Variants in DNAAF5 observed in about 807,000 individuals in gnomAD.
DNAAF5 encodes the protein HEAT repeat containing 2.
Under a neutral mutation model 75.8 loss-of-function variants are expected in DNAAF5, and 64 were observed. The ratio of observed to expected loss-of-function variants is 0.84; its 90% CI spans 0.69 to 1.04. The LOEUF is 1.04. Among genes scored for constraint, DNAAF5 ranks in the 50% least tolerant of loss-of-function variants. DNAAF5 has a pLI of 0.00. For synonymous variants in DNAAF5, 657 were observed against 557.2 expected (o/e 1.18, Z -2.52); for missense variants, 1,269 against 1,178.5 (o/e 1.08, Z -1.12).
chr7:727,198 C>T lies in DNAAF5; in HGVS notation c.478C>T (p.Leu160Phe). 7.4e-7 allele frequency: 1 copy of T among 1,348,758 alleles called. No homozygotes were observed. Among genetic ancestry groups the T allele is most frequent in the Non-Finnish European group, 9.6e-7 (1 of 1,047,000 alleles). The allele number at this position is 1,348,758 out of a possible 1,614,324, so 83.5% of individuals were successfully genotyped here. Residue 160 changes from leucine (L) to phenylalanine (F), a missense_variant, in exon 1 of 13, where the codon CTC becomes TTC. Leu to Phe is a conservative substitution (Grantham distance 22). Coordinates refer to ENST00000297440, the MANE Select transcript of DNAAF5 (RefSeq NM_017802.4). Reference sequence around the variant, plus strand: ...GGCCGTGGACCTGTGCGGCGCCGCGCTCGCGCCCCACCTGGACGACGCTCT... The same window carrying T: ...GGCCGTGGACCTGTGCGGCGCCGCGTTCGCGCCCCACCTGGACGACGCTCT... The part of the protein sequence containing the change: ...GLAVDLCGAA[L>F]APHLDDALRA...
chr7:773,668 C>T (rs978621415), intron 9 of DNAAF5, among the ~76,000 whole-genome samples: 8 of 152,096 alleles, frequency 5.3e-5, no homozygotes, highest in Non-Finnish European at 1.0e-4. Flanking sequence ...GAAAGGGGCT[C>T]ACTGGGTGCT....
chr7:785,693 T>A lies in DNAAF5; in HGVS notation c.*40T>A. ...GCCACGGCACACCCTTGTCCCCACC[T>A]GAGCCAGAGTTTGTGGCCTTTAAAT... On this transcript the variant is annotated 3_prime_UTR_variant, in exon 13 of 13. Transcript: ENST00000297440. 6.2e-7 allele frequency: 1 copy of A among 1,600,670 alleles called. No homozygotes were observed. Among genetic ancestry groups the A allele is most frequent in the Non-Finnish European group, 8.5e-7 (1 of 1,172,882 alleles).
intron 4 of DNAAF5, among the ~76,000 whole-genome samples, chr7:753,740 GTC>G (rs377280921): frequency 4.6e-4 from 67 of 144,364 alleles, no homozygotes; most frequent in East Asian, 1.7e-3. Context: ...TCGCAGGCGT[GTC>G]TCTCTGATCA....
chr7:763,765 G>C, intron 7 of DNAAF5, 41 bp from the exon 8 acceptor site: 2 of 1,604,640 alleles, frequency 1.2e-6, no homozygotes, highest in Non-Finnish European at 1.7e-6. Context: ...CTTGAGCCCT[G>C]AGTGTTGGAA....
rs201599972 is a variant in DNAAF5 at position 754,560 on chromosome 7, C to G, written c.1025-29C>G. 5.0e-5 allele frequency: 80 copies of G among 1,585,736 alleles called. No individual in the cohort carries two copies. Among genetic ancestry groups the G allele is most frequent in the Non-Finnish European group, 6.8e-5 (79 of 1,155,384 alleles). On this transcript the variant is annotated intron_variant, in intron 4 of 12. Coordinates refer to ENST00000297440, the MANE Select transcript of DNAAF5 (RefSeq NM_017802.4). The surrounding 1 kb of genome is among the most constrained non-coding windows in gnomAD (Gnocchi z 4.8). ...TTGTTGAGGTTTTGCTTGTGAATTT[C>G]TCATTCTTCTTTCCCTTTTTCGTTC...
At chr7:777,286 C>A (rs1455449927) in intron 11 of DNAAF5, among the ~76,000 whole-genome samples, 1 of 152,176 alleles carries the variant, frequency 6.6e-6, no homozygotes, top group Non-Finnish European at 1.5e-5. Context: ...GGGACTGCTA[C>A]CTCAGAACAC....
At chr7:730,529 A>G (rs1352841714) in intron 2 of DNAAF5, among the ~76,000 whole-genome samples, 2 of 152,192 alleles carry the variant, frequency 1.3e-5, no homozygotes, top group Admixed American at 6.5e-5. Context: ...TTGAAGAGGT[A>G]GGTTTCCTGA....
intron 12 of DNAAF5, among the ~76,000 whole-genome samples, chr7:781,932 T>G (rs997606119): frequency 6.6e-6 from 1 of 152,248 alleles, no homozygotes; most frequent in Non-Finnish European, 1.5e-5. Context: ...TCCCATCCCG[T>G]ACCCGCGGGC....
At chr7:762,183 A>T (rs1358823340) in intron 7 of DNAAF5, among the ~76,000 whole-genome samples, 1 of 152,196 alleles carries the variant, frequency 6.6e-6, no homozygotes, top group Non-Finnish European at 1.5e-5. Context: ...GCACTTGAGT[A>T]GGGTTTAATA....
At chr7:734,588 C>T (rs545228531) in intron 2 of DNAAF5, among the ~76,000 whole-genome samples, 7 of 152,328 alleles carry the variant, frequency 4.6e-5, no homozygotes, top group South Asian at 2.1e-4. Flanking sequence ...GTACTGGCCT[C>T]ATAAATTAAG....
At chr7:769,701 A>G (rs1019186829) in intron 8 of DNAAF5, among the ~76,000 whole-genome samples, 10 of 152,258 alleles carry the variant, frequency 6.6e-5, no homozygotes, top group Non-Finnish European at 1.5e-5. Flanking sequence ...CTTGGTGCCC[A>G]GGCTGGAGTG....
Position 727,215 on chromosome 7 carries a change from C to A in DNAAF5, c.495C>A (p.Asp165Glu). The A allele has an allele frequency of 1.5e-6, 2 of 1,350,708 alleles. No individual in the cohort carries two copies. Among genetic ancestry groups the A allele is most frequent in the South Asian group, 1.7e-5 (1 of 58,762 alleles). 83.7% of individuals were successfully genotyped at this position (1,350,708 alleles called of 1,614,324 possible). ...LCGAALAPHL[D>E]DALRALRCSL... ...GCGCCGCGCTCGCGCCCCACCTGGA[C>A]GACGCTCTGCGCGCGCTGCGCTGCT... is the stretch of plus-strand genomic sequence containing the variant. The change falls in exon 1 of 13, where the codon GAC becomes GAA. Residue 165 changes from aspartate to glutamate, a missense_variant. By Grantham distance (45) the Asp-to-Glu change is conservative. Coordinates refer to ENST00000297440, the MANE Select transcript of DNAAF5 (RefSeq NM_017802.4).
At chr7:777,345 T>G (rs1249603079) in intron 11 of DNAAF5, among the ~76,000 whole-genome samples, 2 of 152,012 alleles carry the variant, frequency 1.3e-5, no homozygotes, top group Non-Finnish European at 2.9e-5. Flanking sequence ...GGGAAGGAAG[T>G]GCCGATAATA....
At chr7:760,677 A>G (rs1055892671) in intron 6 of DNAAF5, among the ~76,000 whole-genome samples, 4 of 152,210 alleles carry the variant, frequency 2.6e-5, no homozygotes, top group African/African-American at 9.6e-5. Context: ...TTTATTTAGA[A>G]AGAAGTAAGC....
intron 4 of DNAAF5, among the ~76,000 whole-genome samples, chr7:751,152 A>C (rs1022005770): frequency 6.6e-6 from 1 of 152,064 alleles, no homozygotes; most frequent in African/African-American, 2.4e-5. Flanking sequence ...CTGCATTTCA[A>C]AAAAAAACGA....
At chr7:756,264 G>A (rs1411768472) in intron 5 of DNAAF5, among the ~76,000 whole-genome samples, 1 of 146,346 alleles carries the variant, frequency 6.8e-6, no homozygotes, top group Non-Finnish European at 1.5e-5. Context: ...GTGCAGAGGG[G>A]CTGGTGTGTG....
chr7:761,647 C>T, intron 6 of DNAAF5, 106 bp from the exon 7 acceptor site: 1 of 1,224,584 alleles, frequency 8.2e-7, no homozygotes, highest in Non-Finnish European at 1.1e-6. Context: ...CACAGGGTCC[C>T]TCCCAGGATA....
At chr7:777,589 G>A (rs754834290) in intron 11 of DNAAF5, among the ~76,000 whole-genome samples, 4 of 152,108 alleles carry the variant, frequency 2.6e-5, no homozygotes, top group Non-Finnish European at 5.9e-5. Context: ...GGCGGGAAGC[G>A]GCCACTCAGG....
chr7:754,762 G>A lies in DNAAF5; in HGVS notation c.1198G>A (p.Val400Ile). 6.2e-7 allele frequency: 1 copy of A among 1,613,330 alleles called. No homozygotes were observed. The highest frequency in any genetic ancestry group is 8.5e-7 in the Non-Finnish European group (1 of 1,179,932). The change falls in exon 5 of 13, where the codon GTC becomes ATC. Residue 400 changes from valine (V) to isoleucine (I), a missense_variant. Physicochemically the swap from Val to Ile is conservative, Grantham distance 29. Transcript: ENST00000297440. This position sits in a 1 kb window ranked among gnomAD's most constrained non-coding sequence, Gnocchi z 4.8. The stretch of plus-strand genomic sequence containing the variant: ...GGACCACGCCACGCAGCACCTGGAG[G>A]TCGTCCTCCGGACCCTGTTCCAGGC... The part of the protein sequence containing the change: ...AEDHATQHLE[V>I]VLRTLFQACT...
Sources: allele counts gnomAD v4.1 joint callset (sites outside exome capture counted in the v4.1 genomes callset), GRCh38; gene constraint gnomAD v4.1.1; non-coding constraint Gnocchi (gnomAD v3.1); transcripts MANE v1.5; gene names NCBI Gene and HGNC (gene_info 2026-07-23, HGNC 2026-07-21).